Variants in NBPF10 observed in about 807,000 individuals in gnomAD.
NBPF10 encodes NBPF family member NBPF10.
In NBPF10, 63 loss-of-function variants were observed where a neutral mutation model predicts 77.9. The observed-to-expected ratio is 0.81, with a 90% CI of 0.66 to 1.00. The LOEUF (loss-of-function observed/expected upper bound fraction) is 1.00, where lower values mean the gene tolerates loss of function less well. Ranked by LOEUF, NBPF10 falls within the 50% of genes least tolerant of loss-of-function variation. The pLI is 0.00. For synonymous variants in NBPF10, 146 were observed against 264.5 expected, an observed-to-expected ratio of 0.55 and a Z score of 4.35; for missense variants, 522 against 679.8, an observed-to-expected ratio of 0.77 and a Z score of 2.58.
intron 13 of NBPF10, among the ~76,000 whole-genome samples, chr1:146,126,755 T>C (rs1339791210): frequency 7.1e-6 from 1 of 141,776 alleles, no homozygotes. Flanking sequence ...CTCAATAATT[T>C]TGCATAAAAT....
At position 146,142,758 on chromosome 1, in the gene NBPF10, A is replaced by G. The variant is rs587764848; in HGVS notation, c.176-6T>C. 7 of 1,351,508 alleles carry G rather than the reference A, an allele frequency of 5.2e-6. 1 individual carries two copies. In the African/African-American group the frequency reaches 9.7e-5, roughly 19 times the overall value. 83.7% of individuals were successfully genotyped at this position (1,351,508 alleles called of 1,614,324 possible). A position where few individuals can be genotyped will look rare whatever the true frequency, so the allele number is the denominator to read the frequency against. On this transcript the variant is annotated splice_polypyrimidine_tract_variant and splice_region_variant and intron_variant, in intron 1 of 89. Transcript: ENST00000583866. ...GTCTTTACACTCTTCATACTCTGAAAAAAGACAGACACGCCTGCCTCAGTG... is the reference window on the plus strand; with the variant it reads ...GTCTTTACACTCTTCATACTCTGAAGAAAGACAGACACGCCTGCCTCAGTG...
intron 5 of NBPF10, among the ~76,000 whole-genome samples, chr1:146,139,092 CTTTTTTT>C (rs782186835): frequency 3.5e-4 from 29 of 82,448 alleles, no homozygotes; most frequent in South Asian, 9.1e-4. Flanking sequence ...CAGAGACTTA[CTTTTTTT>C]TTTTTTTTTT....
chr1:146,128,992 G>A (rs1392847889), intron 11 of NBPF10, among the ~76,000 whole-genome samples: 3 of 151,594 alleles, frequency 2.0e-5, no homozygotes, highest in East Asian at 3.9e-4. Flanking sequence ...TCTGTAGGTC[G>A]CCATCATCAA....
intron 89 of NBPF10, among the ~76,000 whole-genome samples, chr1:146,066,918 C>A (rs587660327): frequency 1.1e-4 from 16 of 146,286 alleles, no homozygotes; most frequent in African/African-American, 3.9e-4. Flanking sequence ...AATAGTTTTC[C>A]ATAAAATATG....
At chr1:146,066,780 A>C (rs1379120779) in intron 89 of NBPF10, among the ~76,000 whole-genome samples, 7 of 152,026 alleles carry the variant, frequency 4.6e-5, no homozygotes, top group Non-Finnish European at 8.8e-5. Context: ...ACAGAGACAG[A>C]GACAGAGACA....
At chr1:146,124,962 A>T (rs1481677037) in intron 15 of NBPF10, 102 bp from the exon 16 acceptor site, 1 of 185,470 alleles carries the variant, frequency 5.4e-6, no homozygotes, top group Non-Finnish European at 9.1e-6. Flanking sequence ...TTAAAAAGAA[A>T]AAGGACAGAT....
intron 14 of NBPF10, among the ~76,000 whole-genome samples, chr1:146,125,879 G>T (rs1344057612): frequency 6.6e-6 from 1 of 151,188 alleles, no homozygotes; most frequent in East Asian, 1.9e-4. Context: ...GATTGTTCAT[G>T]GTAGCGAGGA....
intron 2 of NBPF10, among the ~76,000 whole-genome samples, chr1:146,142,343 C>T (rs1660391277): frequency 7.6e-6 from 1 of 131,628 alleles, no homozygotes; most frequent in Admixed American, 7.6e-5. Context: ...GTGGCGATAG[C>T]ACACCATTTT....
exon 3 of NBPF10, chr1:146,141,805 G>C (rs782547305): frequency 7.5e-7 from 1 of 1,342,022 alleles, no homozygotes; most frequent in Non-Finnish European, 1.0e-6. Context: ...GAGTGAACTA[G>C]GACTTTATAT....
chr1:146,125,882 A>C (rs1314305152), intron 14 of NBPF10, among the ~76,000 whole-genome samples: 1 of 151,310 alleles, frequency 6.6e-6, no homozygotes, highest in Non-Finnish European at 1.5e-5. Context: ...TGTTCATGGT[A>C]GCGAGGATTT....
chr1:146,143,291 G>GCCATGAAGGAAATATGC (rs1553798153), intron 1 of NBPF10, among the ~76,000 whole-genome samples: 1 of 142,854 alleles, frequency 7.0e-6, no homozygotes, highest in Non-Finnish European at 1.6e-5. Context: ...AGACAATAAG[G>GCCATGAAGGAAATATGC]CCATGAAGGA....
At chr1:146,067,405 T>G (rs1298425629) in intron 88 of NBPF10, 117 bp from the exon 89 acceptor site, 1 of 323,122 alleles carries the variant, frequency 3.1e-6, no homozygotes, top group East Asian at 5.8e-5. Context: ...AATAGGACAC[T>G]GTGAGAGATA....
chr1:146,109,311 G>GAC (rs1203658432), intron 35 of NBPF10, among the ~76,000 whole-genome samples, 197 bp from the exon 36 acceptor site: 6 of 87,266 alleles, frequency 6.9e-5, no homozygotes, highest in East Asian at 7.5e-4. Flanking sequence ...AAGACAGATA[G>GAC]ACACACACAC....
chr1:146,126,132 T>G, intron 14 of NBPF10, 104 bp downstream of exon 14: 1 of 781,590 alleles, frequency 1.3e-6, no homozygotes, highest in Admixed American at 1.9e-5. Flanking sequence ...GTCCTCCCTG[T>G]GGCAATGACA....
rs1235173884 is a variant in NBPF10 at position 146,142,260 on chromosome 1, G to C, written c.278+390C>G. 3.5e-5 allele frequency among the ~76,000 whole-genome samples: 4 copies of C among 113,108 alleles called. 1 individual carries two copies. Among genetic ancestry groups the C allele is most frequent in the African/African-American group, 6.0e-5 (2 of 33,414 alleles). The allele number at this position is 113,108 out of a possible 152,430, so 74.2% of individuals were successfully genotyped here. The stretch of plus-strand genomic sequence containing the variant: ...AAGAAAAGAAGGACAGGGTCGAGGA[G>C]GCAACATTGATTGAGTGAAAGAATG... On this transcript the variant is annotated intron_variant, in intron 2 of 89. Coordinates refer to ENST00000583866, the Ensembl canonical transcript of NBPF10.
chr1:146,067,138 G>T (rs782611435), intron 89 of NBPF10, 42 bp downstream of exon 89: 1 of 629,878 alleles, frequency 1.6e-6, no homozygotes, highest in African/African-American at 1.8e-5. Context: ...TTGCCTCCAG[G>T]TGTTAACACA....
chr1:146,139,343 T>G (rs1321284337), intron 5 of NBPF10, among the ~76,000 whole-genome samples: 23 of 151,730 alleles, frequency 1.5e-4, no homozygotes, highest in African/African-American at 5.5e-4. Context: ...TCTCCTGACC[T>G]CATGATCCAC....
chr1:146,136,196 C>T (rs1410236784), intron 7 of NBPF10, among the ~76,000 whole-genome samples, 157 bp downstream of exon 7: 5 of 151,270 alleles, frequency 3.3e-5, no homozygotes, highest in African/African-American at 1.2e-4. Flanking sequence ...TTTTTACTAT[C>T]CTTCTTCTCT....
At chr1:146,136,232 T>A (rs587668433) in intron 7 of NBPF10, 121 bp downstream of exon 7, 4 of 841,146 alleles carry the variant, frequency 4.8e-6, no homozygotes, top group Middle Eastern at 3.5e-4. Context: ...GTAGCGAGCC[T>A]GCCATGGCAA....
Sources: gnomAD v4.1 joint callset for allele counts (sites outside exome capture counted in the v4.1 genomes callset) on GRCh38, gnomAD v4.1.1 for gene constraint, MANE v1.5 for transcripts, NCBI Gene and HGNC (gene_info 2026-07-23, HGNC 2026-07-21) for gene names.